EPHA7: variants seen among roughly 807,000 people sequenced by gnomAD.
The protein encoded by EPHA7 is ephrin type-A receptor 7.
A neutral mutation model predicts 112.6 loss-of-function variants in EPHA7; 25 were observed. That is an observed-to-expected ratio of 0.22 (90% CI 0.16 to 0.31). EPHA7 has a LOEUF of 0.31. Ranked by LOEUF, EPHA7 falls within the 10% of genes least tolerant of loss-of-function variation. The pLI is 1.00. For missense variants in EPHA7, 962 were observed against 1,212.6 expected (o/e 0.79, Z 3.07); for synonymous variants, 437 against 406.5 (o/e 1.07, Z -0.90).
At chr6:93,285,853 G>T (rs1164944991) in intron 5 of EPHA7, among the ~76,000 whole-genome samples, 2 of 152,092 alleles carry the variant, frequency 1.3e-5, no homozygotes, top group African/African-American at 4.8e-5. Context: ...TCTTTTTTCA[G>T]TTAGAGCTGG....
intron 5 of EPHA7, among the ~76,000 whole-genome samples, chr6:93,305,052 C>CGTGTT (rs1773181327): frequency 6.6e-6 from 1 of 152,018 alleles, no homozygotes; most frequent in African/African-American, 2.4e-5. Flanking sequence ...GTCTGCCCCA[C>CGTGTT]CTCACTAGAA....
intron 5 of EPHA7, among the ~76,000 whole-genome samples, chr6:93,311,323 A>C (rs1203590453): frequency 6.6e-6 from 1 of 151,848 alleles, no homozygotes; most frequent in East Asian, 1.9e-4. Context: ...ACCTTCTCAA[A>C]CCTTGCCACT....
chr6:93,309,223 G>A (rs2552083), intron 5 of EPHA7, among the ~76,000 whole-genome samples: 93,540 of 152,142 alleles, frequency 0.61, 28,969 homozygotes, highest in African/African-American at 0.71. Context: ...GGCTGGGATT[G>A]CAGGCGTGAG....
chr6:93,379,330 G>A (rs1777220720), intron 3 of EPHA7, among the ~76,000 whole-genome samples: 1 of 151,864 alleles, frequency 6.6e-6, no homozygotes, highest in African/African-American at 2.4e-5. Flanking sequence ...TCTATAAAAT[G>A]CTTTACATTT....
intron 5 of EPHA7, among the ~76,000 whole-genome samples, chr6:93,316,003 G>T (rs993407543): frequency 7.9e-5 from 12 of 152,078 alleles, no homozygotes. Context: ...CTAAGTCAAA[G>T]AAATGGCTCA....
chr6:93,400,004 T>C (rs1288789848), intron 3 of EPHA7, among the ~76,000 whole-genome samples: 1 of 152,044 alleles, frequency 6.6e-6, no homozygotes, highest in Non-Finnish European at 1.5e-5. Flanking sequence ...AGTACAAGAA[T>C]GCCCAAAGAA....
chr6:93,279,405 C>T (rs1771623011), intron 5 of EPHA7, among the ~76,000 whole-genome samples: 1 of 152,076 alleles, frequency 6.6e-6, no homozygotes, highest in Non-Finnish European at 1.5e-5. Flanking sequence ...TTTCCCACCT[C>T]TTTTTCTTAC....
intron 12 of EPHA7, 65 bp from the exon 13 acceptor site, chr6:93,256,102 G>A (rs1162206001): frequency 2.2e-5 from 32 of 1,422,962 alleles, no homozygotes; most frequent in Non-Finnish European, 3.0e-5. Flanking sequence ...AAATCACCAT[G>A]AAAAATATCT....
chr6:93,299,531 G>T (rs1429244961), intron 5 of EPHA7, among the ~76,000 whole-genome samples: 1 of 152,064 alleles, frequency 6.6e-6, no homozygotes, highest in Admixed American at 6.6e-5. Context: ...ATACACTGTT[G>T]GTAGGAGTAT....
chr6:93,321,028 G>A (rs2127883879), intron 5 of EPHA7, among the ~76,000 whole-genome samples: 1 of 151,800 alleles, frequency 6.6e-6, no homozygotes, highest in African/African-American at 2.4e-5. Context: ...CACGTGTTAT[G>A]AGGAGGGCTT....
chr6:93,288,442 T>C (rs1024348620), intron 5 of EPHA7, among the ~76,000 whole-genome samples: 14 of 152,206 alleles, frequency 9.2e-5, no homozygotes, highest in African/African-American at 2.7e-4. Flanking sequence ...AGGGATCTTA[T>C]GGGGTTATGG....
intron 3 of EPHA7, among the ~76,000 whole-genome samples, chr6:93,394,902 T>C (rs1318162440): frequency 6.6e-6 from 1 of 151,888 alleles, no homozygotes; most frequent in Non-Finnish European, 1.5e-5. Flanking sequence ...AATTATTTAA[T>C]TTTTATCACT....
At chr6:93,304,438 C>T (rs751586929) in intron 5 of EPHA7, among the ~76,000 whole-genome samples, 15 of 151,978 alleles carry the variant, frequency 9.9e-5, no homozygotes, top group Non-Finnish European at 1.6e-4. Flanking sequence ...TCTGCTCCAG[C>T]CTCCCAAACC....
intron 5 of EPHA7, among the ~76,000 whole-genome samples, chr6:93,316,494 C>T (rs1456882780): frequency 2.0e-5 from 3 of 152,056 alleles, no homozygotes; most frequent in South Asian, 2.1e-4. Flanking sequence ...ATATTACATA[C>T]TGCAATTATA....
chr6:93,394,043 T>C (rs1021562734), intron 3 of EPHA7, among the ~76,000 whole-genome samples: 7 of 151,828 alleles, frequency 4.6e-5, no homozygotes, highest in African/African-American at 1.7e-4. Flanking sequence ...TGTGTTTGCA[T>C]GTAATTGTGT....
At chr6:93,359,874 G>GAGATAGATAGAC (rs1776165991) in intron 3 of EPHA7, among the ~76,000 whole-genome samples, 1 of 127,850 alleles carries the variant, frequency 7.8e-6, no homozygotes, top group East Asian at 2.2e-4. Flanking sequence ...GAGAGAGAGA[G>GAGATAGATAGAC]AGATAGATAG....
At chr6:93,284,846 G>T (rs1299113339) in intron 5 of EPHA7, among the ~76,000 whole-genome samples, 4 of 151,946 alleles carry the variant, frequency 2.6e-5, no homozygotes, top group African/African-American at 9.7e-5. Context: ...GGGCCTGTTG[G>T]GGGGTGGGGG....
At chr6:93,352,379 C>T (rs1270073379) in intron 5 of EPHA7, among the ~76,000 whole-genome samples, 1 of 152,098 alleles carries the variant, frequency 6.6e-6, no homozygotes, top group Non-Finnish European at 1.5e-5. Context: ...TTACCATGTT[C>T]TGATTACAGA....
In EPHA7 at chr6:93,366,632, T is replaced by C. The variant is rs1776525683; in HGVS notation, c.833-8221A>G. Among the ~76,000 whole-genome samples, 4 of 152,124 alleles carry C rather than the reference T, an allele frequency of 2.6e-5. No individual in the cohort carries two copies. The South Asian group carries it at 8.3e-4, about 31-fold the overall frequency. On this transcript the variant is annotated intron_variant, in intron 3 of 16. Coordinates refer to ENST00000369303, the MANE Select transcript of EPHA7 (RefSeq NM_004440.4). Reference sequence around the variant, plus strand: ...GTTAAAAAACAGGTTCTACAGGGGCTGTCCTGCATCCACACGGCACCCCTG... The same window carrying C: ...GTTAAAAAACAGGTTCTACAGGGGCCGTCCTGCATCCACACGGCACCCCTG...
Sources: gnomAD v4.1 joint callset for allele counts (sites outside exome capture counted in the v4.1 genomes callset) on GRCh38, gnomAD v4.1.1 for gene constraint, MANE v1.5 for transcripts, NCBI Gene and HGNC (gene_info 2026-07-23, HGNC 2026-07-21) for gene names.